FREM1: variants seen among roughly 807,000 people sequenced by gnomAD.
The protein encoded by FREM1 is FRAS1-related extracellular matrix protein 1.
Under a neutral mutation model 210.1 loss-of-function variants are expected in FREM1, and 220 were observed. The observed-to-expected ratio is 1.05, with a 90% confidence interval of 0.94 to 1.17. The LOEUF is 1.17. Ranked by LOEUF, FREM1 falls within the 50% of genes most tolerant of loss-of-function variation. The pLI is 0.00. For synonymous variants in FREM1, 1,189 were observed against 980.2 expected, an observed-to-expected ratio of 1.21 and a Z score of -3.98; for missense variants, 3,454 against 2,675.5, an observed-to-expected ratio of 1.29 and a Z score of -6.42.
In FREM1 at chr9:14,836,203, T is replaced by C. The variant is rs766004854; in HGVS notation, c.1881+5244A>G. On this transcript the variant is annotated intron_variant, in intron 10 of 36. Coordinates refer to ENST00000380880, the MANE Select transcript of FREM1 (RefSeq NM_001379081.2). The surrounding 1 kb of genome is among the most constrained non-coding windows in gnomAD (Gnocchi z 4.9). ...ATCTACCACACCACACTTGTGGGAA[T>C]TGCTGTCCTCACTCTACTATTTGCA... Among the ~76,000 whole-genome samples the C allele has an allele frequency of 2.6e-5, 4 of 152,236 alleles. No individual in the cohort carries two copies. The highest frequency in any genetic ancestry group is 4.1e-4 in the South Asian group (2 of 4,834).
chr9:14,805,751 A>G (rs1818233396), intron 18 of FREM1, among the ~76,000 whole-genome samples: 1 of 152,254 alleles, frequency 6.6e-6, no homozygotes, highest in Non-Finnish European at 1.5e-5. Flanking sequence ...CATATTTAAA[A>G]TGGACATTCT....
intron 14 of FREM1, 39 bp downstream of exon 14, chr9:14,819,195 C>G: frequency 6.9e-7 from 1 of 1,448,456 alleles, no homozygotes; most frequent in African/African-American, 1.4e-5. Context: ...AGATAAGAAA[C>G]TAAAGCATGT....
At chr9:14,892,273 G>T (rs1482416623) in intron 1 of FREM1, among the ~76,000 whole-genome samples, 1 of 152,138 alleles carries the variant, frequency 6.6e-6, no homozygotes, top group African/African-American at 2.4e-5. Flanking sequence ...TACTGAAGAG[G>T]CTTCCAACCC....
Position 14,857,591 on chromosome 9 carries a change from G to T in FREM1, c.790C>A (p.Leu264Met). The part of the protein sequence containing the change: ...SPNIDYISIQ[L>M]DLTDTRSKIV... ...TTGCTCCTGGTATCTGTGAGGTCCAGTTGGATGGAGATATAATCAATGTTG... is the reference window on the plus strand; with the variant it reads ...TTGCTCCTGGTATCTGTGAGGTCCATTTGGATGGAGATATAATCAATGTTG... The change falls in exon 5 of 37, where the codon CTG (leucine) becomes ATG (methionine). Residue 264 changes from leucine to methionine, a missense_variant. Transcript: ENST00000380880. The T allele has an allele frequency of 6.2e-7, 1 of 1,613,894 alleles. No individual in the cohort carries two copies. Among genetic ancestry groups the T allele is most frequent in the Admixed American group, 1.7e-5 (1 of 60,020 alleles).
intron 3 of FREM1, among the ~76,000 whole-genome samples, chr9:14,860,667 A>G: frequency 7.8e-6 from 1 of 127,910 alleles, no homozygotes; most frequent in Admixed American, 8.2e-5. Flanking sequence ...ATATATACAT[A>G]TATACACACA....
rs1022314852 is a variant in FREM1 at position 14,770,902 on chromosome 9, C to A, written c.4858-96G>T. 5 of 828,022 alleles carry A rather than the reference C, an allele frequency of 6.0e-6. No individual in the cohort carries two copies. In the South Asian group the frequency reaches 8.4e-5, roughly 14 times the overall value. The allele number at this position is 828,022 out of a possible 1,614,324, so 51.3% of individuals were successfully genotyped here. ...GGTTCAACAATGACACACTGTCCCA[C>A]GTTTTGGATTCCTTATACTCCTCAC... On this transcript the variant is annotated intron_variant, in intron 25 of 36. Transcript: ENST00000380880.
intron 35 of FREM1, among the ~76,000 whole-genome samples, chr9:14,744,000 T>G (rs1468365913): frequency 6.6e-6 from 1 of 152,114 alleles, no homozygotes; most frequent in East Asian, 1.9e-4. Flanking sequence ...AAGAATGTCT[T>G]ATTTGTTCTT....
intron 7 of FREM1, among the ~76,000 whole-genome samples, chr9:14,847,388 GGAGA>G (rs939719629): frequency 1.5e-5 from 2 of 132,948 alleles, no homozygotes; most frequent in African/African-American, 3.0e-5. Flanking sequence ...TAAAGGAGAG[GGAGA>G]GAGAAAAAGA....
intron 24 of FREM1, among the ~76,000 whole-genome samples, chr9:14,779,000 T>C (rs1849209512): frequency 6.6e-6 from 1 of 152,246 alleles, no homozygotes; most frequent in Admixed American, 6.5e-5. Context: ...TTTTTAGGTA[T>C]AAAATTATGC....
At chr9:14,884,212 G>C (rs538675239) in intron 1 of FREM1, among the ~76,000 whole-genome samples, 1 of 152,168 alleles carries the variant, frequency 6.6e-6, no homozygotes, top group South Asian at 2.1e-4. Context: ...CTGGGCGACA[G>C]AGCGAGACTC....
chr9:14,871,811 T>C (rs1363252453), intron 1 of FREM1, among the ~76,000 whole-genome samples: 1 of 152,232 alleles, frequency 6.6e-6, no homozygotes, highest in African/African-American at 2.4e-5. Context: ...AACATTTAAG[T>C]CTTTAATCCA....
chr9:14,906,867 C>T (rs1413955007), intron 1 of FREM1, among the ~76,000 whole-genome samples: 2 of 152,184 alleles, frequency 1.3e-5, no homozygotes, highest in African/African-American at 4.8e-5. Flanking sequence ...CAGTCGCTCC[C>T]TGGGCATTTA....
At chr9:14,789,283 A>G (rs1254425687) in intron 22 of FREM1, among the ~76,000 whole-genome samples, 169 bp from the exon 23 acceptor site, 1 of 152,160 alleles carries the variant, frequency 6.6e-6, no homozygotes, top group Admixed American at 6.6e-5. Flanking sequence ...TTTCAAAGAA[A>G]TATATTAGAA....
intron 23 of FREM1, among the ~76,000 whole-genome samples, chr9:14,787,938 A>G (rs543709891): frequency 2.0e-4 from 30 of 152,326 alleles, no homozygotes; most frequent in South Asian, 4.1e-4. Context: ...AGCAAATAAA[A>G]TATATTATTA....
At chr9:14,896,014 G>C (rs927797217) in intron 1 of FREM1, among the ~76,000 whole-genome samples, 2 of 152,152 alleles carry the variant, frequency 1.3e-5, no homozygotes, top group East Asian at 1.9e-4. Flanking sequence ...TGCATTCCTA[G>C]ATGGTTAAGC....
At chr9:14,800,774 T>C (rs1817121208) in intron 20 of FREM1, among the ~76,000 whole-genome samples, 1 of 152,212 alleles carries the variant, frequency 6.6e-6, no homozygotes, top group African/African-American at 2.4e-5. Context: ...CTGTCCTACA[T>C]TAATCCAAGC....
At chr9:14,875,859 G>C (rs1319205327) in intron 1 of FREM1, among the ~76,000 whole-genome samples, 3 of 152,078 alleles carry the variant, frequency 2.0e-5, no homozygotes, top group Non-Finnish European at 4.4e-5. Flanking sequence ...TTTTGGTGTG[G>C]ATGTCCTTTC....
intron 4 of FREM1, among the ~76,000 whole-genome samples, chr9:14,858,259 T>A (rs1489083019): frequency 6.6e-6 from 1 of 152,208 alleles, no homozygotes; most frequent in East Asian, 1.9e-4. Flanking sequence ...TGAACCAACA[T>A]GCTCTTTCTC....
rs558501435 is a variant in FREM1 at position 14,840,139 on chromosome 9, A to G, written c.1881+1308T>C. On this transcript the variant is annotated intron_variant, in intron 10 of 36. Transcript: ENST00000380880. Reference sequence around the variant, plus strand: ...TTCTTAGCACACAGATGAATAGCTCAATCATCTATGCATTAGCTAATGTCA... The same window carrying G: ...TTCTTAGCACACAGATGAATAGCTCGATCATCTATGCATTAGCTAATGTCA... Among the ~76,000 whole-genome samples the G allele has an allele frequency of 2.0e-5, 3 of 152,340 alleles. No individual in the cohort carries two copies. In the South Asian group the frequency reaches 6.2e-4, roughly 32 times the overall value.
Sources: allele counts gnomAD v4.1 joint callset (sites outside exome capture counted in the v4.1 genomes callset), GRCh38; gene constraint gnomAD v4.1.1; non-coding constraint Gnocchi (gnomAD v3.1); transcripts MANE v1.5; gene names NCBI Gene and HGNC (gene_info 2026-07-23, HGNC 2026-07-21).